Variants in TUT4 observed in about 807,000 individuals in gnomAD.
TUT4 encodes the protein terminal uridylyl transferase 4.
A neutral mutation model predicts 192.2 loss-of-function variants in TUT4; 36 were observed. The observed-to-expected ratio is 0.19, with a 90% CI of 0.14 to 0.25. The LOEUF (loss-of-function observed/expected upper bound fraction) is 0.25, where lower values mean the gene tolerates loss of function less well. TUT4 is among the 10% of genes least tolerant of loss of function. The pLI, the probability that TUT4 is intolerant of heterozygous loss-of-function variation, is 1.00. For missense variants in TUT4, 1,493 were observed against 1,957.2 expected (o/e 0.76, Z 4.47); for synonymous variants, 618 against 666.0 (o/e 0.93, Z 1.11).
rs1418222154 is a variant in TUT4 at position 52,520,511 on chromosome 1, T to A, written c.719-4457A>T. ...CAGGCCTTATCCTAGGCTTTCTGAA[T>A]CAAAACACTCTGGAAATGAGACCCA... On this transcript the variant is annotated intron_variant, in intron 2 of 29. Coordinates refer to ENST00000257177, the MANE Select transcript of TUT4 (RefSeq NM_001009881.3). Among the ~76,000 whole-genome samples the A allele has an allele frequency of 2.6e-5, 4 of 152,180 alleles. No individual in the cohort carries two copies. In the East Asian group the frequency reaches 7.7e-4, roughly 29 times the overall value.
intron 29 of TUT4, chr1:52,424,816 A>AC (rs1649278960): frequency 6.6e-6 from 1 of 152,242 alleles, no homozygotes; most frequent in African/African-American, 2.4e-5. Flanking sequence ...TGCTCAGTAA[A>AC]CCAAGTCCAA....
chr1:52,494,795 T>C (rs927712105), intron 6 of TUT4, among the ~76,000 whole-genome samples: 1 of 152,116 alleles, frequency 6.6e-6, no homozygotes, highest in African/African-American at 2.4e-5. Context: ...TCCCTGAACA[T>C]AAACATATTA....
In TUT4 at chr1:52,461,764, T is replaced by G; in HGVS notation, c.3075A>C (p.Leu1025Phe). The G allele has an allele frequency of 7.2e-7, 1 of 1,382,168 alleles. No homozygotes were observed. Among genetic ancestry groups the G allele is most frequent in the South Asian group, 1.3e-5 (1 of 76,384 alleles). The allele number at this position is 1,382,168 out of a possible 1,614,324, so 85.6% of individuals were successfully genotyped here. The part of the protein sequence containing the change: ...TLEGHENAEK[L>F]NCKEIIENLA... ...AATTTTCAATTATTTCCTTACAATT[T>G]AATTTCTAAAAAACAAATCAAATAA... is the stretch of plus-strand genomic sequence containing the variant. The change falls in exon 17 of 30, where the codon TTA (leucine) becomes TTC (phenylalanine). Residue 1025 changes from leucine to phenylalanine, a missense_variant. Coordinates refer to ENST00000257177, the MANE Select transcript of TUT4 (RefSeq NM_001009881.3).
rs148497634 is a variant in TUT4, at chr1:52,491,230, A to T, written c.1319-429T>A. Among the ~76,000 whole-genome samples, 483 of 152,306 alleles carry T rather than the reference A, an allele frequency of 3.2e-3. 5 individuals carry two copies. The highest frequency in any genetic ancestry group is 4.7e-3 in the Non-Finnish European group (317 of 68,030). On this transcript the variant is annotated intron_variant, in intron 7 of 29. Coordinates refer to ENST00000257177, the MANE Select transcript of TUT4 (RefSeq NM_001009881.3). ...TTAGTTCTTTTAAATTACCAATGTA[A>T]TTACAACCTAACTCTTCAGGCCACA...
At chr1:52,544,191 G>A (rs188529385) in intron 1 of TUT4, among the ~76,000 whole-genome samples, 1 of 152,196 alleles carries the variant, frequency 6.6e-6, no homozygotes, top group African/African-American at 2.4e-5. Context: ...GGGAGGCTGA[G>A]GCAGGAGAAT....
At chr1:52,456,692 G>T (rs1661079504) in intron 20 of TUT4, among the ~76,000 whole-genome samples, 1 of 151,844 alleles carries the variant, frequency 6.6e-6, no homozygotes, top group Non-Finnish European at 1.5e-5. Context: ...GGGGTTGAGG[G>T]GAGGATGACT....
chr1:52,444,478 G>T (rs574434115), intron 24 of TUT4, among the ~76,000 whole-genome samples: 1 of 151,968 alleles, frequency 6.6e-6, no homozygotes, highest in South Asian at 2.1e-4. Context: ...CAAGTTCAAG[G>T]ACATTCACTA....
rs199981429 is a variant in TUT4 at position 52,484,666 on chromosome 1, A to AT, written c.1516-2744dup. On this transcript the variant is annotated intron_variant, in intron 9 of 29. Transcript: ENST00000257177. ...AGTAAGATACAGTTGTGAAAGCACT[A>AT]TTTAATAAAATCTGTACACTAGATC... 3.0e-3 allele frequency among the ~76,000 whole-genome samples: 457 copies of AT among 152,330 alleles called. 2 individuals carry two copies. Among genetic ancestry groups the AT allele is most frequent in the Middle Eastern group, 0.024 (7 of 294 alleles).
intron 2 of TUT4, among the ~76,000 whole-genome samples, chr1:52,522,708 C>T (rs1680597465): frequency 6.6e-6 from 1 of 151,950 alleles, no homozygotes; most frequent in Non-Finnish European, 1.5e-5. Flanking sequence ...GGCGGATCAC[C>T]TGAGGTCAGG....
At chr1:52,463,339 TAAGTA>T (rs773390545) in intron 16 of TUT4, 102 of 992,298 alleles carry the variant, frequency 1.0e-4, no homozygotes, top group Non-Finnish European at 1.2e-4. Flanking sequence ...AAGCAGAATT[TAAGTA>T]AAGGAGAACA....
chr1:52,445,746 A>G, intron 24 of TUT4, 41 bp downstream of exon 24: 5 of 1,443,638 alleles, frequency 3.5e-6, no homozygotes, highest in Non-Finnish European at 3.8e-6. Flanking sequence ...TGTTCTATTT[A>G]AAAAAAGAAA....
intron 1 of TUT4, among the ~76,000 whole-genome samples, chr1:52,534,684 C>T (rs1411001513): frequency 1.3e-5 from 2 of 148,234 alleles, no homozygotes; most frequent in African/African-American, 5.0e-5. Flanking sequence ...AAAACCCTGT[C>T]TCTACAAAAA....
chr1:52,503,111 T>C (rs961522381), intron 4 of TUT4, among the ~76,000 whole-genome samples: 5 of 152,206 alleles, frequency 3.3e-5, no homozygotes, highest in African/African-American at 1.2e-4. Flanking sequence ...TTACAGATGT[T>C]AAATATCGTC....
chr1:52,519,567 T>A (rs1416214390), intron 2 of TUT4, among the ~76,000 whole-genome samples: 1 of 151,868 alleles, frequency 6.6e-6, no homozygotes, highest in Non-Finnish European at 1.5e-5. Context: ...TGGAGTGCAG[T>A]GGTGCAATCT....
chr1:52,452,542 G>A (rs921108252), intron 20 of TUT4, among the ~76,000 whole-genome samples: 2 of 152,090 alleles, frequency 1.3e-5, no homozygotes, highest in Admixed American at 6.6e-5. Flanking sequence ...CACCAATGGC[G>A]AACAGCTTGG....
chr1:52,428,809 G>A (rs968709135), intron 28 of TUT4, among the ~76,000 whole-genome samples: 2 of 151,774 alleles, frequency 1.3e-5, no homozygotes, highest in Non-Finnish European at 2.9e-5. Flanking sequence ...TACTTTTTTA[G>A]ATAAACAGGA....
At position 52,431,088 on chromosome 1, in the gene TUT4, T is replaced by G; in HGVS notation, c.4636A>C (p.Thr1546Pro). Residue 1546 changes from threonine to proline, a missense_variant, in exon 28 of 30, where the codon ACG becomes CCG. By Grantham distance (38) the Thr-to-Pro change is conservative (BLOSUM62 -1). Around this residue, in one of 7 missense-constraint regions of TUT4, gnomAD observed 351 missense variants for 397.8 expected, o/e 0.88. Coordinates refer to ENST00000257177, the MANE Select transcript of TUT4 (RefSeq NM_001009881.3). ...CGGGGCCAGTGTCCATCGTGAGACGTGTTAGGGATTGCCACAGGTCTGGCA... is the reference window on the plus strand; with the variant it reads ...CGGGGCCAGTGTCCATCGTGAGACGGGTTAGGGATTGCCACAGGTCTGGCA... ...PAARPVAIPN[T>P]SHDGHWPRTV... 6.2e-7 allele frequency: 1 copy of G among 1,614,120 alleles called. No homozygotes were observed.
Position 52,525,574 on chromosome 1 carries a change from G to A in TUT4, c.707C>T (p.Ser236Leu), listed in dbSNP as rs201349090. Reference protein sequence around the residue: ...DDSASGIEDVSDDLSKMKNDE... With the variant: ...DDSASGIEDVLDDLSKMKNDE... ...AAAAAATGACTTACTTAAATCGTCC[G>A]ATACGTCTTCAATTCCTGAAGCACT... is the stretch of plus-strand genomic sequence containing the variant. The change falls in exon 2 of 30, where the codon TCG becomes TTG. Residue 236 changes from serine (S) to leucine (L), a missense_variant. Ser to Leu is a moderately radical substitution (Grantham distance 145). Transcript: ENST00000257177. 8.7e-6 allele frequency: 14 copies of A among 1,607,274 alleles called. No individual in the cohort carries two copies. The highest frequency in any genetic ancestry group is 4.5e-5 in the East Asian group (2 of 44,750).
chr1:52,468,306 T>C, intron 14 of TUT4, 39 bp from the exon 15 acceptor site: 2 of 1,467,890 alleles, frequency 1.4e-6, no homozygotes, highest in Non-Finnish European at 1.8e-6. Flanking sequence ...AAAAGAAAAG[T>C]AAGGAAAACA....
Sources: gnomAD v4.1 joint callset for allele counts (sites outside exome capture counted in the v4.1 genomes callset) on GRCh38, gnomAD v4.1.1 for gene constraint, gnomAD v4.1.1 regional missense constraint, MANE v1.5 for transcripts, NCBI Gene and HGNC (gene_info 2026-07-23, HGNC 2026-07-21) for gene names.